The following PLEKHG4B variants were observed in gnomAD, a reference collection of about 807,000 sequenced individuals.
The protein encoded by PLEKHG4B is pleckstrin homology domain-containing family G member 4B.
Under a neutral mutation model 121.3 loss-of-function variants are expected in PLEKHG4B, and 111 were observed. That is an observed-to-expected ratio of 0.92 (90% CI 0.78 to 1.07). The LOEUF (loss-of-function observed/expected upper bound fraction) is 1.07, where lower values mean the gene tolerates loss of function less well. Among genes scored for constraint, PLEKHG4B ranks in the 50% least tolerant of loss-of-function variants. The pLI, the probability that PLEKHG4B is intolerant of heterozygous loss-of-function variation, is 0.00. For missense variants in PLEKHG4B, 1,831 were observed against 1,757.8 expected (o/e 1.04, Z -0.74); for synonymous variants, 738 against 725.0 (o/e 1.02, Z -0.29).
In PLEKHG4B at chr5:107,307, C is replaced by T. The variant is rs185019624; in HGVS notation, c.46-5944C>T. Among the ~76,000 whole-genome samples the T allele has an allele frequency of 3.1e-4, 47 of 152,322 alleles. 1 individual carries two copies. Among genetic ancestry groups the T allele is most frequent in the Admixed American group, 2.9e-3 (44 of 15,312 alleles). ...GACCCCAGAGACCCCATGCTTGGCC[C>T]TTCTGGGATCCACTGCTCTCCTCTG... On this transcript the variant is annotated intron_variant, in intron 1 of 19. Coordinates refer to ENST00000637938, the MANE Select transcript of PLEKHG4B (RefSeq NM_052909.5).
In PLEKHG4B at chr5:151,528, A is replaced by G. The variant is rs763289397; in HGVS notation, c.1921A>G (p.Ile641Val). The change falls in exon 7 of 20, where the codon ATA (isoleucine) becomes GTA (valine). Residue 641 changes from isoleucine to valine, a missense_variant. By Grantham distance (29) the Ile-to-Val change is conservative. Coordinates refer to ENST00000637938, the MANE Select transcript of PLEKHG4B (RefSeq NM_052909.5). ...LSGLQNNTSPIIHSILLLVDK... is the reference protein window; with the variant it reads ...LSGLQNNTSPVIHSILLLVDK... ...TTTATTTCAGAACAACACATCTCCT[A>G]TAATTCATAGTATCTTGCTGTTGGT... 5.7e-6 allele frequency: 9 copies of G among 1,571,340 alleles called. No individual in the cohort carries two copies. Among genetic ancestry groups the G allele is most frequent in the African/African-American group, 2.7e-5 (2 of 73,806 alleles).
chr5:136,388 C>A (rs1034601129), intron 2 of PLEKHG4B, among the ~76,000 whole-genome samples: 2 of 152,056 alleles, frequency 1.3e-5, no homozygotes, highest in Non-Finnish European at 2.9e-5. Context: ...AAGCAGCCTT[C>A]AAAATGAGGG....
chr5:124,894 G>C (rs1462267334), intron 2 of PLEKHG4B, among the ~76,000 whole-genome samples: 3 of 152,130 alleles, frequency 2.0e-5, no homozygotes, highest in Admixed American at 2.0e-4. Context: ...AGCAGTTTGG[G>C]AGGCCAAGGT....
chr5:134,413 C>G (rs1007357367), intron 2 of PLEKHG4B, among the ~76,000 whole-genome samples: 2 of 151,664 alleles, frequency 1.3e-5, no homozygotes, highest in Non-Finnish European at 2.9e-5. Flanking sequence ...GAAATCACCA[C>G]TAAAGAAATT....
At chr5:181,465 A>G (rs758051262) in intron 18 of PLEKHG4B, 49 bp from the exon 19 acceptor site, 1 of 1,584,188 alleles carries the variant, frequency 6.3e-7, no homozygotes, top group East Asian at 2.2e-5. Flanking sequence ...TTGGGGTGGC[A>G]TTAGCCCCCG....
intron 3 of PLEKHG4B, among the ~76,000 whole-genome samples, chr5:141,959 C>T (rs1735221868): frequency 6.6e-6 from 1 of 152,154 alleles, no homozygotes; most frequent in African/African-American, 2.4e-5. Context: ...GAGGCAATGG[C>T]ACCACAGCCC....
At position 154,923 on chromosome 5, in the gene PLEKHG4B, T is replaced by A. The variant is rs1455011849; in HGVS notation, c.2041T>A (p.Cys681Ser). Residue 681 changes from cysteine (C) to serine (S), a missense_variant, in exon 8 of 20, where the codon TGC (cysteine) becomes AGC (serine). Cys to Ser is a moderately radical substitution (Grantham distance 112). Transcript: ENST00000637938. ...GGCCGTGCACAAATTTGTTGACAGC[T>A]GCCAGCTGACCGCAGACCTCGACGG... ...LKAVHKFVDS[C>S]QLTADLDGSF... 1.2e-6 allele frequency: 2 copies of A among 1,613,922 alleles called. No homozygotes were observed. The highest frequency in any genetic ancestry group is 1.1e-5 in the South Asian group (1 of 91,074).
chr5:107,635 G>T (rs141198525), intron 1 of PLEKHG4B, among the ~76,000 whole-genome samples: 229 of 152,348 alleles, frequency 1.5e-3, no homozygotes, highest in Non-Finnish European at 2.3e-3. Flanking sequence ...GCCCATCCCC[G>T]CCCTGGGTCT....
intron 7 of PLEKHG4B, among the ~76,000 whole-genome samples, chr5:152,682 C>T (rs1271205528): frequency 2.0e-5 from 3 of 152,260 alleles, no homozygotes; most frequent in South Asian, 4.1e-4. Context: ...GTCACTGGCT[C>T]CTTACTCTGT....
intron 1 of PLEKHG4B, among the ~76,000 whole-genome samples, chr5:109,013 G>C (rs574367640): frequency 6.6e-6 from 1 of 152,286 alleles, no homozygotes; most frequent in Non-Finnish European, 1.5e-5. Flanking sequence ...TTTCACACCT[G>C]GCTTTCTCAT....
chr5:160,008 G>A (rs761708084), intron 11 of PLEKHG4B, among the ~76,000 whole-genome samples: 31 of 152,182 alleles, frequency 2.0e-4, no homozygotes, highest in Non-Finnish European at 3.2e-4. Context: ...AAGAGGACAC[G>A]TCTCACTCTG....
At chr5:144,196 C>T (rs1735327436) in intron 5 of PLEKHG4B, 1 of 152,404 alleles carries the variant, frequency 6.6e-6, no homozygotes, top group South Asian at 2.1e-4. Flanking sequence ...TTCAGACCAG[C>T]TGAACACTAA....
intron 3 of PLEKHG4B, 23 bp from the exon 4 acceptor site, chr5:143,024 C>T: frequency 1.7e-5 from 28 of 1,606,276 alleles, no homozygotes; most frequent in Non-Finnish European, 2.4e-5. Context: ...TCATCTTTGA[C>T]ACGGCCTCTT....
chr5:150,379 G>A (rs895563695), intron 6 of PLEKHG4B, among the ~76,000 whole-genome samples: 11 of 152,254 alleles, frequency 7.2e-5, no homozygotes, highest in East Asian at 3.9e-4. Context: ...TTTCTTTTAC[G>A]GGTGCAGGGT....
chr5:171,183 C>A (rs74765264), intron 15 of PLEKHG4B, 31 bp from the exon 16 acceptor site: 1 of 1,603,052 alleles, frequency 6.2e-7, no homozygotes, highest in Non-Finnish European at 8.5e-7. Context: ...TCAGCCAGGC[C>A]GGAGCTGACC....
Position 143,360 on chromosome 5 carries a change from C to T in PLEKHG4B, c.1688-20C>T. ...GTAGGAGTGAAGCCCTTGGCAGCTG[C>T]CCTGTCTCTGTCTCCGCAGGGACCC... On this transcript the variant is annotated intron_variant, in intron 4 of 19. Transcript: ENST00000637938. 3 of 1,609,898 alleles carry T rather than the reference C, an allele frequency of 1.9e-6. No homozygotes were observed. The highest frequency in any genetic ancestry group is 2.5e-6 in the Non-Finnish European group (3 of 1,178,102).
chr5:123,726 A>G (rs1734532498), intron 2 of PLEKHG4B, among the ~76,000 whole-genome samples: 1 of 152,048 alleles, frequency 6.6e-6, no homozygotes, highest in Non-Finnish European at 1.5e-5. Flanking sequence ...CTTTAATCTG[A>G]TTTTAGTAAC....
chr5:114,963 G>C (rs980427745), intron 2 of PLEKHG4B, among the ~76,000 whole-genome samples: 1 of 152,170 alleles, frequency 6.6e-6, no homozygotes, highest in Admixed American at 6.5e-5. Flanking sequence ...TTGATATTCT[G>C]ACCTCCTCTC....
rs1229479787 is a variant in PLEKHG4B at position 155,337 on chromosome 5, C to G, written c.2110-8C>G. On this transcript the variant is annotated splice_region_variant and splice_polypyrimidine_tract_variant and intron_variant, in intron 8 of 19. Transcript: ENST00000637938. ...TCTTATAATCTCCTCCCTCTCAACT[C>G]ACAACAGAGGCTGGAACACTTCGCT... 1 of 1,611,788 alleles carries G rather than the reference C, an allele frequency of 6.2e-7. No homozygotes were observed. The highest frequency in any genetic ancestry group is 1.1e-5 in the South Asian group (1 of 91,052).
Sources: gnomAD v4.1 joint callset for allele counts (sites outside exome capture counted in the v4.1 genomes callset) on GRCh38, gnomAD v4.1.1 for gene constraint, MANE v1.5 for transcripts, NCBI Gene and HGNC (gene_info 2026-07-23, HGNC 2026-07-21) for gene names.